The following DPP10 variants were observed in gnomAD, a reference collection of about 807,000 sequenced individuals.
DPP10 encodes dipeptidyl peptidase like 10, also known as inactive dipeptidyl peptidase 10.
A neutral mutation model predicts 120.9 loss-of-function variants in DPP10; 33 were observed. The ratio of observed to expected loss-of-function variants is 0.27; its 90% confidence interval spans 0.21 to 0.37. DPP10 has a LOEUF of 0.37. Among genes scored for constraint, DPP10 ranks in the 10% least tolerant of loss-of-function variants. The pLI is 1.00. For synonymous variants in DPP10, 337 were observed against 326.1 expected (o/e 1.03, Z -0.36); for missense variants, 816 against 942.8 (o/e 0.87, Z 1.76).
intron 2 of DPP10, among the ~76,000 whole-genome samples, chr2:115,321,573 GC>G (rs781170624): frequency 9.8e-4 from 83 of 84,442 alleles, no homozygotes; most frequent in Admixed American, 1.6e-4. Context: ...TATGTCCTTT[GC>G]CAAATTTGGC....
chr2:115,675,619 G>C (rs2090192586), intron 5 of DPP10, among the ~76,000 whole-genome samples: 1 of 152,146 alleles, frequency 6.6e-6, no homozygotes, highest in African/African-American at 2.4e-5. Context: ...GGTGAGTGGG[G>C]AATGCCCCAA....
At chr2:115,602,255 C>G (rs1482451947) in intron 5 of DPP10, among the ~76,000 whole-genome samples, 2 of 152,130 alleles carry the variant, frequency 1.3e-5, no homozygotes, top group Non-Finnish European at 1.5e-5. Context: ...GACACAGTCT[C>G]TGTCCTGAAG....
intron 1 of DPP10, among the ~76,000 whole-genome samples, chr2:114,568,334 T>C (rs1270074336): frequency 2.0e-5 from 3 of 152,286 alleles, no homozygotes; most frequent in Admixed American, 2.0e-4. Context: ...TACTTTGAAA[T>C]AATCAAAATA....
chr2:115,176,760 T>G (rs1439580081), intron 1 of DPP10, among the ~76,000 whole-genome samples: 2 of 152,208 alleles, frequency 1.3e-5, no homozygotes, highest in Non-Finnish European at 2.9e-5. Context: ...GGAACCTCTT[T>G]GGTTACATAA....
intron 1 of DPP10, among the ~76,000 whole-genome samples, chr2:114,989,853 T>A (rs1159395031): frequency 1.3e-5 from 2 of 152,240 alleles, no homozygotes; most frequent in Admixed American, 6.5e-5. Flanking sequence ...TTTAAAGTGC[T>A]CTTGTTATCC....
intron 1 of DPP10, among the ~76,000 whole-genome samples, chr2:114,527,254 T>C (rs533855896): frequency 7.9e-5 from 12 of 152,202 alleles, no homozygotes; most frequent in Admixed American, 6.5e-4. Context: ...CAACCAGGTA[T>C]TGTTTCAATA....
At chr2:115,659,001 G>A (rs2088656300) in intron 5 of DPP10, among the ~76,000 whole-genome samples, 1 of 152,098 alleles carries the variant, frequency 6.6e-6, no homozygotes, top group Non-Finnish European at 1.5e-5. Context: ...GTGTTGAGAA[G>A]TGGGACCTTT....
At chr2:115,834,969 C>T (rs1441632094) in intron 21 of DPP10, among the ~76,000 whole-genome samples, 1 of 151,968 alleles carries the variant, frequency 6.6e-6, no homozygotes, top group Non-Finnish European at 1.5e-5. Flanking sequence ...GCCTGTGGTC[C>T]CAGCTGCTCG....
At chr2:114,637,802 C>T (rs904830759) in intron 1 of DPP10, among the ~76,000 whole-genome samples, 18 of 151,546 alleles carry the variant, frequency 1.2e-4, no homozygotes, top group South Asian at 6.2e-4. Flanking sequence ...TGTATGTGTG[C>T]GGTCTTATTT....
At chr2:115,392,926 T>C (rs1045732212) in intron 3 of DPP10, among the ~76,000 whole-genome samples, 1 of 152,196 alleles carries the variant, frequency 6.6e-6, no homozygotes, top group African/African-American at 2.4e-5. Context: ...ATTTTTTCTT[T>C]GCCAGTATAA....
intron 4 of DPP10, among the ~76,000 whole-genome samples, chr2:115,505,797 T>A (rs1324171927): frequency 1.3e-5 from 2 of 152,146 alleles, no homozygotes; most frequent in African/African-American, 4.8e-5. Flanking sequence ...TTAAGAATAA[T>A]GTATTGTGTA....
chr2:115,582,097 G>C (rs999426980), intron 5 of DPP10, among the ~76,000 whole-genome samples: 5 of 152,154 alleles, frequency 3.3e-5, no homozygotes, highest in Admixed American at 3.3e-4. Context: ...CGGGTGCCTT[G>C]CGAGATCCAA....
intron 3 of DPP10, among the ~76,000 whole-genome samples, chr2:115,348,470 G>T (rs2063821071): frequency 2.6e-5 from 4 of 151,746 alleles, no homozygotes; most frequent in Admixed American, 2.6e-4. Flanking sequence ...TTCAATAAAT[G>T]CATGTGTTTA....
chr2:114,500,437 T>A (rs1051888213), intron 1 of DPP10, among the ~76,000 whole-genome samples: 6 of 152,172 alleles, frequency 3.9e-5, no homozygotes, highest in Non-Finnish European at 8.8e-5. Context: ...TATATTAGGG[T>A]TAAGTATTGG....
intron 1 of DPP10, among the ~76,000 whole-genome samples, chr2:114,990,635 A>G (rs1700703369): frequency 6.6e-6 from 1 of 152,060 alleles, no homozygotes. Flanking sequence ...CCCTTTCTCC[A>G]TTCAAGTATT....
intron 5 of DPP10, among the ~76,000 whole-genome samples, chr2:115,675,340 A>G (rs1182024754): frequency 6.6e-6 from 1 of 152,170 alleles, no homozygotes; most frequent in Non-Finnish European, 1.5e-5. Context: ...ACCAATATAA[A>G]TGGATGCTTT....
intron 1 of DPP10, among the ~76,000 whole-genome samples, chr2:115,177,102 A>G (rs577149609): frequency 6.6e-6 from 1 of 152,204 alleles, no homozygotes; most frequent in East Asian, 1.9e-4. Flanking sequence ...TTTGTCATCC[A>G]TGAAGCTGAC....
At chr2:115,464,413 A>AC (rs2074179752) in intron 3 of DPP10, among the ~76,000 whole-genome samples, 3 of 151,410 alleles carry the variant, frequency 2.0e-5, no homozygotes, top group African/African-American at 7.3e-5. Flanking sequence ...GCCAAAAAAA[A>AC]ACACAAACAA....
chr2:114,652,313 A>C (rs1210000424), intron 1 of DPP10, among the ~76,000 whole-genome samples: 1 of 152,180 alleles, frequency 6.6e-6, no homozygotes, highest in Non-Finnish European at 1.5e-5. Flanking sequence ...CACACAGGCA[A>C]AAAGGTAAAT....
Sources: allele counts gnomAD v4.1 joint callset (sites outside exome capture counted in the v4.1 genomes callset), GRCh38; gene constraint gnomAD v4.1.1; transcripts MANE v1.5; gene names NCBI Gene and HGNC (gene_info 2026-07-23, HGNC 2026-07-21).